The following PPP2R3C variants were observed in gnomAD, a reference collection of about 807,000 sequenced individuals.
The protein encoded by PPP2R3C is protein phosphatase 2 regulatory subunit B''gamma.
PPP2R3C carries 47 observed loss-of-function variants against 63.7 expected under a neutral mutation model. The ratio of observed to expected loss-of-function variants is 0.74; its 90% CI spans 0.58 to 0.94. PPP2R3C has a LOEUF of 0.94. Ranked by LOEUF, PPP2R3C falls within the 40% of genes least tolerant of loss-of-function variation. PPP2R3C has a pLI of 0.00. For missense variants in PPP2R3C, 421 were observed against 518.4 expected, an observed-to-expected ratio of 0.81 and a Z score of 1.82; for synonymous variants, 180 against 177.4, an observed-to-expected ratio of 1.01 and a Z score of -0.12.
intron 10 of PPP2R3C, among the ~76,000 whole-genome samples, chr14:35,093,716 G>A (rs1010612139): frequency 1.3e-5 from 2 of 150,986 alleles, no homozygotes; most frequent in Admixed American, 6.6e-5. Context: ...GCGCCATCTC[G>A]GCTTACTGCA....
chr14:35,097,428 C>T (rs1363902715), intron 7 of PPP2R3C, among the ~76,000 whole-genome samples: 5 of 151,664 alleles, frequency 3.3e-5, no homozygotes, highest in South Asian at 4.2e-4. Context: ...GAAAGCAATA[C>T]GCAGGTAAAC....
chr14:35,121,779 T>G, intron 1 of PPP2R3C, 123 bp downstream of exon 1: 1 of 1,092,344 alleles, frequency 9.2e-7, no homozygotes, highest in Non-Finnish European at 1.3e-6. Context: ...TCCGCCTCCT[T>G]TGTCGGGAGG....
chr14:35,088,647 G>C (rs2045687866), intron 11 of PPP2R3C, among the ~76,000 whole-genome samples: 1 of 152,118 alleles, frequency 6.6e-6, no homozygotes, highest in Admixed American at 6.6e-5. Context: ...CTAATAATCA[G>C]AGTATCCATA....
intron 6 of PPP2R3C, among the ~76,000 whole-genome samples, chr14:35,105,847 G>A (rs193049992): frequency 6.6e-6 from 1 of 151,734 alleles, no homozygotes; most frequent in East Asian, 1.9e-4. Context: ...TGTCTACTGT[G>A]TCTTTTTTTT....
At chr14:35,099,154 GA>G in intron 7 of PPP2R3C, 97 bp downstream of exon 7, 2 of 1,351,452 alleles carry the variant, frequency 1.5e-6, no homozygotes, top group Non-Finnish European at 1.9e-6. Flanking sequence ...GCAGTGACAG[GA>G]AAATAAATGA....
At position 35,095,103 on chromosome 14, in the gene PPP2R3C, G is replaced by C. The variant is rs1267101697; in HGVS notation, c.920C>G (p.Thr307Ser). The C allele has an allele frequency of 3.1e-6, 5 of 1,608,850 alleles. No homozygotes were observed. The highest frequency in any genetic ancestry group is 2.6e-6 in the Non-Finnish European group (3 of 1,175,320). Residue 307 changes from threonine to serine, a missense_variant, in exon 10 of 13, where the codon ACC (threonine) becomes AGC (serine). Transcript: ENST00000261475. ...GAAAACACGGTCTAAGAAGACATTG[G>C]TCATGGTAGCTGTTCCATAGCGTGA... is the stretch of plus-strand genomic sequence containing the variant. ...ELSRYGTATM[T>S]NVFLDRVFQE...
rs185415997 is a variant in PPP2R3C at position 35,103,205 on chromosome 14, A to T, written c.574-3821T>A. The stretch of plus-strand genomic sequence containing the variant: ...TCCAAAGTCCTTACTGTGGCCCAAA[A>T]GGCCCTACATGTGGCCCCTGCCTAC... On this transcript the variant is annotated intron_variant, in intron 6 of 12. Coordinates refer to ENST00000261475, the MANE Select transcript of PPP2R3C (RefSeq NM_017917.4). 3.0e-3 allele frequency among the ~76,000 whole-genome samples: 455 copies of T among 152,274 alleles called. 2 individuals are homozygous for T. The highest frequency in any genetic ancestry group is 5.5e-3 in the Non-Finnish European group (372 of 68,008).
intron 11 of PPP2R3C, among the ~76,000 whole-genome samples, chr14:35,090,268 G>A (rs1314964228): frequency 7.4e-6 from 1 of 136,012 alleles, no homozygotes; most frequent in Non-Finnish European, 1.6e-5. Context: ...TTGAGACCGA[G>A]TGTTGCTTTG....
At position 35,108,242 on chromosome 14, in the gene PPP2R3C, A is replaced by G. The variant is rs1162061478; in HGVS notation, c.405-6T>C. 1 of 1,569,134 alleles carries G rather than the reference A, an allele frequency of 6.4e-7. No homozygotes were observed. Among genetic ancestry groups the G allele is most frequent in the Non-Finnish European group, 8.6e-7 (1 of 1,168,180 alleles). On this transcript the variant is annotated splice_region_variant and splice_polypyrimidine_tract_variant and intron_variant, in intron 4 of 12. Transcript: ENST00000261475. ...CTTTTGCTGTGAAAAATTGCCTAAGAAAAGAAAATAAAGATTTAAATGATC... is the reference window on the plus strand; with the variant it reads ...CTTTTGCTGTGAAAAATTGCCTAAGGAAAGAAAATAAAGATTTAAATGATC...
chr14:35,085,826 A>G (rs376809111), intron 12 of PPP2R3C, 48 bp from the exon 13 acceptor site: 33 of 1,481,040 alleles, frequency 2.2e-5, no homozygotes, highest in Admixed American at 1.7e-4. Flanking sequence ...CTTAATTTCT[A>G]TCACACATAG....
At chr14:35,121,868 G>GCCATCCCAACGGGCTGC in intron 1 of PPP2R3C, 34 bp downstream of exon 1, 1 of 1,612,996 alleles carries the variant, frequency 6.2e-7, no homozygotes, top group South Asian at 1.1e-5. Context: ...TTAGGGCCGG[G>GCCATCCCAACGGGCTGC]CCATCCCAAC....
intron 10 of PPP2R3C, among the ~76,000 whole-genome samples, chr14:35,091,803 C>A (rs1044178016): frequency 6.6e-6 from 1 of 152,100 alleles, no homozygotes; most frequent in Non-Finnish European, 1.5e-5. Context: ...TCACTGAAAC[C>A]TCTGCCTCCC....
intron 6 of PPP2R3C, among the ~76,000 whole-genome samples, chr14:35,105,023 C>A (rs1464540353): frequency 6.1e-5 from 9 of 146,982 alleles, no homozygotes; most frequent in African/African-American, 2.2e-4. Context: ...CGTGAGCTAC[C>A]GTGTCTGGCT....
At chr14:35,111,542 G>A (rs917981892) in intron 2 of PPP2R3C, among the ~76,000 whole-genome samples, 10 of 152,234 alleles carry the variant, frequency 6.6e-5, no homozygotes, top group Admixed American at 3.3e-4. Context: ...AGGAGGATGC[G>A]AAGGACCAGA....
At chr14:35,122,058 G>T, upstream of PPP2R3C, 1 of 1,330,160 alleles carries the variant, frequency 7.5e-7, no homozygotes, top group East Asian at 2.3e-5. Context: ...TAAAGGTTAG[G>T]AAGGCCGTCC....
At chr14:35,106,728 C>T (rs1266292822) in intron 6 of PPP2R3C, among the ~76,000 whole-genome samples, 4 of 143,024 alleles carry the variant, frequency 2.8e-5, no homozygotes, top group African/African-American at 5.3e-5. Context: ...AGTGCAATGG[C>T]GCTATCTCGG....
At chr14:35,109,973 C>G (rs1190390967) in intron 3 of PPP2R3C, 42 bp from the exon 4 acceptor site, 2 of 1,428,390 alleles carry the variant, frequency 1.4e-6, no homozygotes, top group Admixed American at 4.1e-5. Flanking sequence ...AAGTTAAAAA[C>G]AACAAGATTT....
chr14:35,119,098 C>T (rs1054028581), intron 1 of PPP2R3C, among the ~76,000 whole-genome samples: 3 of 148,372 alleles, frequency 2.0e-5, no homozygotes, highest in African/African-American at 7.5e-5. Context: ...AGAGCAGTGT[C>T]GTAATCTCAG....
In PPP2R3C at chr14:35,085,639, G is replaced by A. The variant is rs2045566920; in HGVS notation, c.1313C>T (p.Ala438Val). 1.9e-6 allele frequency: 3 copies of A among 1,613,054 alleles called. No individual in the cohort carries two copies. In the African/African-American group the frequency reaches 4.0e-5, roughly 22 times the overall value. Reference protein sequence around the residue: ...NGFWTYENREALVANDSENSA... With the variant: ...NGFWTYENREVLVANDSENSA... The stretch of plus-strand genomic sequence containing the variant: ...GTTTTCACTGTCATTTGCAACAAGA[G>A]CCTCTCTGTTCTCGTAAGTCCAGAA... Residue 438 changes from alanine to valine, a missense_variant, in exon 13 of 13, where the codon GCT becomes GTT. This residue lies in a region of PPP2R3C where 231 missense variants were observed against 264.8 expected (regional missense o/e 0.87). Coordinates refer to ENST00000261475, the MANE Select transcript of PPP2R3C (RefSeq NM_017917.4).
Sources: allele counts gnomAD v4.1 joint callset (sites outside exome capture counted in the v4.1 genomes callset), GRCh38; gene constraint gnomAD v4.1.1; regional missense constraint gnomAD v4.1.1; transcripts MANE v1.5; gene names NCBI Gene and HGNC (gene_info 2026-07-23, HGNC 2026-07-21).